Variants in PCDHA4 observed in about 807,000 individuals in gnomAD.
PCDHA4 encodes protocadherin alpha-4.
In PCDHA4, 49 loss-of-function variants were observed where a neutral mutation model predicts 61.4. That is an observed-to-expected ratio of 0.80 (90% confidence interval 0.63 to 1.01). The LOEUF is 1.01. Ranked by LOEUF, PCDHA4 falls within the 50% of genes least tolerant of loss-of-function variation. The pLI, the probability that PCDHA4 is intolerant of heterozygous loss-of-function variation, is 0.00. For missense variants in PCDHA4, 1,254 were observed against 1,235.8 expected, an observed-to-expected ratio of 1.01 and a Z score of -0.22; for synonymous variants, 590 against 550.3, an observed-to-expected ratio of 1.07 and a Z score of -1.01.
chr5:140,981,985 G>C (rs1554243637), intron 2 of PCDHA4, among the ~76,000 whole-genome samples: 1 of 152,162 alleles, frequency 6.6e-6, no homozygotes, highest in Non-Finnish European at 1.5e-5. Context: ...GAGTAAAATA[G>C]AAAATAAGGT....
At chr5:140,912,310 A>T (rs936183695) in intron 1 of PCDHA4, among the ~76,000 whole-genome samples, 1 of 151,764 alleles carries the variant, frequency 6.6e-6, no homozygotes, top group African/African-American at 2.4e-5. Flanking sequence ...AATCCAGTCA[A>T]GTTGACCCTC....
chr5:140,937,413 TTAGA>T (rs781915768), intron 1 of PCDHA4, among the ~76,000 whole-genome samples: 3 of 152,228 alleles, frequency 2.0e-5, no homozygotes, highest in Non-Finnish European at 2.9e-5. Flanking sequence ...ACAACTTTTA[TTAGA>T]TAGCTGATAT....
intron 1 of PCDHA4, among the ~76,000 whole-genome samples, chr5:140,977,624 T>C (rs139722248): frequency 6.6e-6 from 1 of 152,088 alleles, no homozygotes. Flanking sequence ...TATCCCAGAG[T>C]TGTAACTTTT....
At chr5:140,870,606 C>T (rs781958673) in intron 1 of PCDHA4, 24 of 1,613,142 alleles carry the variant, frequency 1.5e-5, no homozygotes, top group Non-Finnish European at 3.4e-6. Flanking sequence ...TGGGCGACCG[C>T]GCGCTGTCGA....
intron 1 of PCDHA4, chr5:140,927,305 C>A: frequency 6.2e-7 from 1 of 1,614,190 alleles, no homozygotes; most frequent in African/African-American, 1.3e-5. Flanking sequence ...GAGTTCCTGA[C>A]GCCCGGAGCC....
chr5:140,899,005 G>A (rs1220603725), intron 1 of PCDHA4, among the ~76,000 whole-genome samples: 1 of 151,848 alleles, frequency 6.6e-6, no homozygotes, highest in Non-Finnish European at 1.5e-5. Context: ...TGTTATTGGT[G>A]TATAAGAATG....
chr5:140,839,624 T>C (rs1776330895), intron 1 of PCDHA4, among the ~76,000 whole-genome samples: 1 of 152,036 alleles, frequency 6.6e-6, no homozygotes, highest in South Asian at 2.1e-4. Context: ...TCCTGAGATA[T>C]CGAGAAATAC....
chr5:140,883,740 C>G (rs2059789153), intron 1 of PCDHA4: 1 of 1,613,368 alleles, frequency 6.2e-7, no homozygotes, highest in Non-Finnish European at 8.5e-7. Context: ...GCGCTGGTCT[C>G]CTACTCGCTG....
chr5:140,870,084 C>T (rs782413178), intron 1 of PCDHA4: 1 of 1,613,864 alleles, frequency 6.2e-7, no homozygotes, highest in Non-Finnish European at 8.5e-7. Context: ...AGGGGACTCC[C>T]CCAATGGCAG....
chr5:140,968,753 C>T (rs782591270), intron 1 of PCDHA4: 8 of 1,614,018 alleles, frequency 5.0e-6, no homozygotes, highest in Non-Finnish European at 6.8e-6. Flanking sequence ...CGTGGTGGTC[C>T]GAGATAATGG....
intron 1 of PCDHA4, among the ~76,000 whole-genome samples, chr5:140,872,410 T>A (rs2053645814): frequency 6.6e-6 from 1 of 152,110 alleles, no homozygotes; most frequent in South Asian, 2.1e-4. Flanking sequence ...GAGAATTGCT[T>A]GAGCCCAAGA....
At chr5:140,839,108 A>G (rs1047759109) in intron 1 of PCDHA4, among the ~76,000 whole-genome samples, 1 of 151,988 alleles carries the variant, frequency 6.6e-6, no homozygotes, top group Non-Finnish European at 1.5e-5. Context: ...ATTATTTACC[A>G]TTAAGCCATA....
chr5:140,960,541 C>T (rs1200507322), intron 1 of PCDHA4, among the ~76,000 whole-genome samples: 1 of 151,924 alleles, frequency 6.6e-6, no homozygotes, highest in Non-Finnish European at 1.5e-5. Context: ...GAAACTGTGG[C>T]CTTCATATAG....
intron 1 of PCDHA4, among the ~76,000 whole-genome samples, chr5:140,820,722 A>T (rs2150107758): frequency 3.3e-5 from 5 of 152,090 alleles, no homozygotes; most frequent in African/African-American, 1.2e-4. Context: ...ATTTACTGGA[A>T]CCTAAACATT....
chr5:140,921,377 T>C (rs1368330420), intron 1 of PCDHA4, among the ~76,000 whole-genome samples: 2 of 152,172 alleles, frequency 1.3e-5, no homozygotes, highest in Non-Finnish European at 2.9e-5. Flanking sequence ...TATTTCTACA[T>C]ATTTGATAAA....
chr5:140,848,405 C>T, intron 1 of PCDHA4: 2 of 1,329,956 alleles, frequency 1.5e-6, no homozygotes, highest in Non-Finnish European at 2.1e-6. Flanking sequence ...TGAACGATGG[C>T]GAACACAGCA....
At chr5:140,998,136 C>T (rs2153950850) in intron 3 of PCDHA4, among the ~76,000 whole-genome samples, 1 of 152,308 alleles carries the variant, frequency 6.6e-6, no homozygotes, top group South Asian at 2.1e-4. Context: ...TAATAGCTAA[C>T]CTGTACTGAA....
intron 1 of PCDHA4, among the ~76,000 whole-genome samples, chr5:140,934,548 ATT>A (rs1290393008): frequency 1.3e-5 from 2 of 152,018 alleles, no homozygotes; most frequent in African/African-American, 2.4e-5. Context: ...TAATTCTATC[ATT>A]TCTTCTTTTT....
At chr5:140,882,993 T>G (rs1554176415) in intron 1 of PCDHA4, 2 of 1,614,080 alleles carry the variant, frequency 1.2e-6, no homozygotes, top group Non-Finnish European at 1.7e-6. Flanking sequence ...GCCCCGGAAT[T>G]TTACCAATCC....
Sources: gnomAD v4.1 joint callset for allele counts (sites outside exome capture counted in the v4.1 genomes callset) on GRCh38, gnomAD v4.1.1 for gene constraint, MANE v1.5 for transcripts, NCBI Gene and HGNC (gene_info 2026-07-23, HGNC 2026-07-21) for gene names.